Variants in BSN observed in about 807,000 individuals in gnomAD.
The protein encoded by BSN is bassoon presynaptic cytomatrix protein.
In BSN, 57 loss-of-function variants were observed where a neutral mutation model predicts 264.8. That is an observed-to-expected ratio of 0.22 (90% CI 0.17 to 0.27). The LOEUF (loss-of-function observed/expected upper bound fraction) is 0.27, where lower values mean the gene tolerates loss of function less well. Among genes scored for constraint, BSN ranks in the 10% least tolerant of loss-of-function variants. BSN has a pLI of 1.00. For synonymous variants in BSN, 2,059 were observed against 2,137.3 expected (o/e 0.96, Z 1.01); for missense variants, 4,615 against 5,232.5 (o/e 0.88, Z 3.64).
At position 49,652,514 on chromosome 3, in the gene BSN, C is replaced by T. The variant is rs371597976; in HGVS notation, c.2958C>T (p.Ser986=). Residue 986 remains serine (S), a synonymous_variant, in exon 5 of 12, where the codon TCC becomes TCT. Transcript: ENST00000296452. ...AGCACTCCTCTACATTGCCTGCCTC[C>T]ACACCCAGCTACACCTCGGGCACCT... ...RGEHSSTLPA[S]TPSYTSGTSP... is the part of the protein sequence containing the mutation. The T allele has an allele frequency of 6.2e-7, 1 of 1,613,784 alleles. No individual in the cohort carries two copies. Among genetic ancestry groups the T allele is most frequent in the Non-Finnish European group, 8.5e-7 (1 of 1,180,010 alleles).
chr3:49,556,933 G>A (rs1245437755), intron 1 of BSN, among the ~76,000 whole-genome samples: 2 of 152,180 alleles, frequency 1.3e-5, no homozygotes, highest in Non-Finnish European at 2.9e-5. Flanking sequence ...GTGGGTAGAA[G>A]GCCAGGTAAA....
chr3:49,662,049 A>G lies in BSN; in HGVS notation c.10204A>G (p.Arg3402Gly), dbSNP rs1220786272. 8 of 1,613,624 alleles carry G rather than the reference A, an allele frequency of 5.0e-6. No homozygotes were observed. Among genetic ancestry groups the G allele is most frequent in the African/African-American group, 1.3e-5 (1 of 74,944 alleles). ...AVSSSLVSRG[R>G]KFQDEITYGL... ...CAGCAGCAGCCTGGTCTCTCGGGGC[A>G]GGAAGTTCCAGGATGAAATCACCTA... Residue 3402 changes from arginine to glycine, a missense_variant, in exon 6 of 12, where the codon AGG becomes GGG. Around this residue, in one of 3 missense-constraint regions of BSN, gnomAD observed 3,415 missense variants for 3,866.4 expected, o/e 0.88. Transcript: ENST00000296452.
chr3:49,584,735 A>G (rs2051921651), intron 1 of BSN, among the ~76,000 whole-genome samples: 1 of 152,050 alleles, frequency 6.6e-6, no homozygotes. Flanking sequence ...CATTCTTTCT[A>G]ACTATTTTTT....
At chr3:49,666,390 T>A (rs1332017482) in intron 11 of BSN, among the ~76,000 whole-genome samples, 1 of 152,254 alleles carries the variant, frequency 6.6e-6, no homozygotes, top group Non-Finnish European at 1.5e-5. Flanking sequence ...GCCCCAGGTA[T>A]GTGCCAGGCA....
Position 49,651,931 on chromosome 3 carries a change from G to T in BSN, c.2375G>T (p.Arg792Leu). The T allele has an allele frequency of 1.2e-6, 2 of 1,613,530 alleles. No homozygotes were observed. Residue 792 changes from arginine to leucine, a missense_variant, in exon 5 of 12, where the codon CGC becomes CTC. By Grantham distance (102) the Arg-to-Leu change is moderately radical (BLOSUM62 -2). Coordinates refer to ENST00000296452, the MANE Select transcript of BSN (RefSeq NM_003458.4). This position sits in a 1 kb window ranked among gnomAD's most constrained non-coding sequence, Gnocchi z 5.4. Reference protein sequence around the residue: ...EEDEDSAEWRRRREQQDTAES... With the variant: ...EEDEDSAEWRLRREQQDTAES... Reference sequence around the variant, plus strand: ...GACGAAGACTCTGCTGAGTGGAGGCGCCGGAGAGAGCAGCAGGACACTGCC... The same window carrying T: ...GACGAAGACTCTGCTGAGTGGAGGCTCCGGAGAGAGCAGCAGGACACTGCC...
intron 2 of BSN, among the ~76,000 whole-genome samples, chr3:49,636,423 T>C (rs934768897): frequency 6.6e-6 from 1 of 151,968 alleles, no homozygotes; most frequent in African/African-American, 2.4e-5. Flanking sequence ...AGTTGGCCAG[T>C]CATGGATGGG....
chr3:49,582,275 T>C (rs1196359065), intron 1 of BSN, among the ~76,000 whole-genome samples: 1 of 152,246 alleles, frequency 6.6e-6, no homozygotes. Flanking sequence ...TGTAAATCTT[T>C]AGAGAAATGT....
At position 49,651,489 on chromosome 3, in the gene BSN, C is replaced by T. The variant is rs1040840432; in HGVS notation, c.1987-54C>T. 1 of 1,512,846 alleles carries T rather than the reference C, an allele frequency of 6.6e-7. No individual in the cohort carries two copies. Among genetic ancestry groups the T allele is most frequent in the Non-Finnish European group, 8.9e-7 (1 of 1,126,348 alleles). The allele number at this position is 1,512,846 out of a possible 1,614,324, so 93.7% of individuals were successfully genotyped here. On this transcript the variant is annotated intron_variant, in intron 4 of 11. Transcript: ENST00000296452. This position sits in a 1 kb window ranked among gnomAD's most constrained non-coding sequence, Gnocchi z 5.4. ...TGGGATTGACAGGGAGGATTGGGTT[C>T]CCACCACGAGCTTTGCCATGGGGAG...
In BSN at chr3:49,653,702, C is replaced by T; in HGVS notation, c.4146C>T (p.Ala1382=). ...MPFSQGPGTP[A]TTAVAPCPAG... ...TTTCCCAGGGCCCTGGGACCCCAGC[C>T]ACCACAGCTGTGGCTCCTTGTCCAG... Residue 1382 remains alanine (A), a synonymous_variant, in exon 5 of 12, where the codon GCC becomes GCT. Coordinates refer to ENST00000296452, the MANE Select transcript of BSN (RefSeq NM_003458.4). The surrounding 1 kb of genome is among the most constrained non-coding windows in gnomAD (Gnocchi z 6.3). 1 of 1,613,866 alleles carries T rather than the reference C, an allele frequency of 6.2e-7. No homozygotes were observed. The highest frequency in any genetic ancestry group is 8.5e-7 in the Non-Finnish European group (1 of 1,179,896).
At chr3:49,605,731 T>TAA (rs2052127047) in intron 1 of BSN, among the ~76,000 whole-genome samples, 5 of 43,918 alleles carry the variant, frequency 1.1e-4, no homozygotes, top group Non-Finnish European at 1.2e-4. Flanking sequence ...TAAATGTATA[T>TAA]AATATATAAA....
At chr3:49,594,246 A>G (rs965982913) in intron 1 of BSN, among the ~76,000 whole-genome samples, 1 of 152,220 alleles carries the variant, frequency 6.6e-6, no homozygotes, top group Non-Finnish European at 1.5e-5. Context: ...GTAATGGCTT[A>G]TGCTTTTAGT....
chr3:49,662,876 C>A lies in BSN; in HGVS notation c.10718C>A (p.Ala3573Glu). The A allele has an allele frequency of 6.4e-7, 1 of 1,560,576 alleles. No homozygotes were observed. The highest frequency in any genetic ancestry group is 1.2e-5 in the South Asian group (1 of 82,530). The change falls in exon 7 of 12, where the codon GCG becomes GAG. Residue 3573 changes from alanine to glutamate, a missense_variant and splice_region_variant. Around this residue, in one of 3 missense-constraint regions of BSN, gnomAD observed 3,415 missense variants for 3,866.4 expected, o/e 0.88. Coordinates refer to ENST00000296452, the MANE Select transcript of BSN (RefSeq NM_003458.4). ...GGTATTCTGTTTTTGGTCTCTGAAG[C>A]GTATCACCTGGGCCAGGAGGAGACG... The part of the protein sequence containing the change: ...DSHCVVSDSE[A>E]YHLGQEETDW...
chr3:49,578,388 G>A (rs2051863340), intron 1 of BSN, among the ~76,000 whole-genome samples: 1 of 148,508 alleles, frequency 6.7e-6, no homozygotes, highest in African/African-American at 2.5e-5. Context: ...AGTGCACTTA[G>A]AGTTCTACAA....
At chr3:49,581,012 G>A (rs979863125) in intron 1 of BSN, among the ~76,000 whole-genome samples, 15 of 142,128 alleles carry the variant, frequency 1.1e-4, no homozygotes, top group Non-Finnish European at 1.5e-5. Context: ...ACAGGGTTTT[G>A]CTCTCATCAC....
chr3:49,657,657 G>C lies in BSN; in HGVS notation c.8101G>C (p.Val2701Leu). The C allele has an allele frequency of 6.3e-7, 1 of 1,587,024 alleles. No individual in the cohort carries two copies. The highest frequency in any genetic ancestry group is 8.6e-7 in the Non-Finnish European group (1 of 1,163,662). The change falls in exon 5 of 12, where the codon GTC becomes CTC. Residue 2701 changes from valine to leucine, a missense_variant. Around this residue, in one of 3 missense-constraint regions of BSN, gnomAD observed 3,415 missense variants for 3,866.4 expected, o/e 0.88. Coordinates refer to ENST00000296452, the MANE Select transcript of BSN (RefSeq NM_003458.4). ...TGCCACCGATCCCAAGGTGGAGATC[G>C]TCAGGTACATATCGGCGCCAGAGAA... Reference protein sequence around the residue: ...TAATDPKVEIVRYISAPEKTG... With the variant: ...TAATDPKVEILRYISAPEKTG...
At chr3:49,570,764 C>T (rs2051789617) in intron 1 of BSN, among the ~76,000 whole-genome samples, 1 of 152,242 alleles carries the variant, frequency 6.6e-6, no homozygotes, top group South Asian at 2.1e-4. Flanking sequence ...ACCTTCCCTT[C>T]CAATGCCAAG....
Position 49,653,337 on chromosome 3 carries a change from C to T in BSN, c.3781C>T (p.Leu1261Phe), listed in dbSNP as rs370462805. 3.7e-6 allele frequency: 6 copies of T among 1,612,118 alleles called. 1 individual carries two copies. In the African/African-American group the frequency reaches 8.0e-5, roughly 22 times the overall value. Residue 1261 changes from leucine to phenylalanine, a missense_variant, in exon 5 of 12, where the codon CTT (leucine) becomes TTT (phenylalanine). Leu to Phe is a conservative substitution (Grantham distance 22). Transcript: ENST00000296452. The surrounding 1 kb of genome is among the most constrained non-coding windows in gnomAD (Gnocchi z 6.3). ...GGGAGCAGCCGTGTACGAAGAAATC[C>T]TTCAGACATCACAGAGCATAGTCCG... ...SLGAAVYEEI[L>F]QTSQSIVRMR...
chr3:49,577,595 A>G (rs920529746), intron 1 of BSN, among the ~76,000 whole-genome samples: 1 of 149,312 alleles, frequency 6.7e-6, no homozygotes. Flanking sequence ...GCTGGAGCTC[A>G]GTGGCATGAT....
chr3:49,589,923 C>T (rs1484318626), intron 1 of BSN, among the ~76,000 whole-genome samples: 2 of 151,604 alleles, frequency 1.3e-5, no homozygotes, highest in South Asian at 2.1e-4. Context: ...CTGCAACCTC[C>T]GCCTCCCAGG....
Sources: gnomAD v4.1 joint callset for allele counts (sites outside exome capture counted in the v4.1 genomes callset) on GRCh38, gnomAD v4.1.1 for gene constraint, gnomAD v4.1.1 regional missense constraint, Gnocchi (gnomAD v3.1) non-coding constraint, MANE v1.5 for transcripts, NCBI Gene and HGNC (gene_info 2026-07-23, HGNC 2026-07-21) for gene names.